Variants in OR9Q1 observed in about 807,000 individuals in gnomAD.
The protein encoded by OR9Q1 is olfactory receptor family 9 subfamily Q member 1.
For synonymous variants in OR9Q1, 153 were observed against 148.6 expected (o/e 1.03, Z -0.22); for missense variants, 374 against 378.8 (o/e 0.99, Z 0.11).
intron 2 of OR9Q1, among the ~76,000 whole-genome samples, chr11:58,151,009 CTG>C (rs1195108159): frequency 6.6e-6 from 1 of 152,122 alleles, no homozygotes; most frequent in Admixed American, 6.5e-5. Flanking sequence ...AGCTTTTCCT[CTG>C]TGTTTTGTTC....
At chr11:58,108,726 C>T (rs1338389180) in intron 2 of OR9Q1, 2 of 221,640 alleles carry the variant, frequency 9.0e-6, no homozygotes, top group East Asian at 2.3e-4. Context: ...AAGCTACATT[C>T]GTTGGAAATT....
intron 2 of OR9Q1, among the ~76,000 whole-genome samples, chr11:58,082,765 AATAAT>A (rs1853600891): frequency 1.5e-5 from 2 of 130,318 alleles, no homozygotes; most frequent in African/African-American, 2.7e-5. Context: ...TAATAATAAT[AATAAT>A]AAAAAGTTAG....
chr11:58,155,909 C>T (rs1590619755), intron 2 of OR9Q1, among the ~76,000 whole-genome samples: 1 of 128,074 alleles, frequency 7.8e-6, no homozygotes, highest in Non-Finnish European at 1.6e-5. Flanking sequence ...TGTTCTTTTT[C>T]TTTTCCTTCC....
At chr11:58,101,228 G>C (rs1853780638) in intron 2 of OR9Q1, among the ~76,000 whole-genome samples, 1 of 151,936 alleles carries the variant, frequency 6.6e-6, no homozygotes, top group African/African-American at 2.4e-5. Flanking sequence ...TTTCCATAGA[G>C]GTTGAACTAA....
chr11:58,090,108 T>A (rs1240718735), intron 2 of OR9Q1, among the ~76,000 whole-genome samples: 1 of 152,204 alleles, frequency 6.6e-6, no homozygotes, highest in East Asian at 1.9e-4. Context: ...ACAATTCAAC[T>A]TCCTCTCTTC....
In OR9Q1 at chr11:58,180,256, G is replaced by T. The variant is rs759737063; in HGVS notation, c.812G>T (p.Arg271Leu). ...TCAGATCAGTCTTCGGAGAAGAATC[G>T]GGTAGTGTCTGTGCTTTACACAGAG... ...GNSDQSSEKN[R>L]VVSVLYTEVI... is the part of the protein sequence containing the mutation. Residue 271 changes from arginine to leucine, a missense_variant, in exon 3 of 3, where the codon CGG (arginine) becomes CTG (leucine). Arg to Leu is a moderately radical substitution (Grantham distance 102, BLOSUM62 -2). Transcript: ENST00000335397. 1 of 1,613,900 alleles carries T rather than the reference G, an allele frequency of 6.2e-7. No homozygotes were observed. Among genetic ancestry groups the T allele is most frequent in the Non-Finnish European group, 8.5e-7 (1 of 1,179,962 alleles).
intron 2 of OR9Q1, among the ~76,000 whole-genome samples, chr11:58,101,280 C>T (rs1218755998): frequency 9.9e-5 from 15 of 151,860 alleles, no homozygotes; most frequent in Admixed American, 6.6e-4. Context: ...CCTTTTTTGC[C>T]ACATCCATGC....
chr11:58,110,437 G>C (rs1853888370), intron 2 of OR9Q1, among the ~76,000 whole-genome samples: 1 of 152,116 alleles, frequency 6.6e-6, no homozygotes, highest in Non-Finnish European at 1.5e-5. Flanking sequence ...GACCATGAAA[G>C]ACAGTGATTC....
chr11:58,157,337 G>A (rs775767254), intron 2 of OR9Q1, among the ~76,000 whole-genome samples: 26 of 152,038 alleles, frequency 1.7e-4, no homozygotes, highest in Non-Finnish European at 3.1e-4. Context: ...ATTATTGCTC[G>A]TAGCTTTATG....
chr11:58,125,278 A>G lies in OR9Q1; in HGVS notation c.-14-54153A>G, dbSNP rs188233459. 303 of 116,492 alleles carry G rather than the reference A, an allele frequency of 2.6e-3. 4 individuals are homozygous for G. Among genetic ancestry groups the G allele is most frequent in the African/African-American group, 9.4e-3 (284 of 30,058 alleles). The allele number at this position is 116,492 out of a possible 1,614,324, so 7.2% of individuals were successfully genotyped here. Reference sequence around the variant, plus strand: ...AAAAAGCTGATCCAGTCTTACTTGTATATTTCACATAAGAGCTGAAATCCC... The same window carrying G: ...AAAAAGCTGATCCAGTCTTACTTGTGTATTTCACATAAGAGCTGAAATCCC... On this transcript the variant is annotated intron_variant, in intron 2 of 2. Coordinates refer to ENST00000335397, the MANE Select transcript of OR9Q1 (RefSeq NM_001005212.4).
intron 2 of OR9Q1, among the ~76,000 whole-genome samples, chr11:58,138,630 A>G (rs781709022): frequency 6.6e-6 from 1 of 152,124 alleles, no homozygotes; most frequent in Non-Finnish European, 1.5e-5. Context: ...TCCTTTTACA[A>G]TCATACGTGT....
At chr11:58,149,553 C>T (rs1258582203) in intron 2 of OR9Q1, among the ~76,000 whole-genome samples, 5 of 152,180 alleles carry the variant, frequency 3.3e-5, no homozygotes, top group Non-Finnish European at 5.9e-5. Flanking sequence ...ACCATCACCA[C>T]TATCCTTCTC....
chr11:58,024,413 T>G (rs1204282880), intron 1 of OR9Q1, among the ~76,000 whole-genome samples: 1 of 152,142 alleles, frequency 6.6e-6, no homozygotes, highest in East Asian at 1.9e-4. Context: ...CCTTTCACTT[T>G]TTGGGACTAG....
rs528939055 is a variant in OR9Q1 at position 58,153,782 on chromosome 11, C to A, written c.-14-25649C>A. On this transcript the variant is annotated intron_variant, in intron 2 of 2. Coordinates refer to ENST00000335397, the MANE Select transcript of OR9Q1 (RefSeq NM_001005212.4). Reference sequence around the variant, plus strand: ...TTCTCTAACCTTGGCTCTCTGATTTCCTCAGCTGTATAAATGTAACAGAAT... The same window carrying A: ...TTCTCTAACCTTGGCTCTCTGATTTACTCAGCTGTATAAATGTAACAGAAT... Among the ~76,000 whole-genome samples the A allele has an allele frequency of 6.6e-5, 10 of 152,212 alleles. No homozygotes were observed. The South Asian group carries it at 2.1e-3, about 32-fold the overall frequency.
chr11:58,112,480 C>T (rs951988082), intron 2 of OR9Q1, among the ~76,000 whole-genome samples: 2 of 152,230 alleles, frequency 1.3e-5, no homozygotes, highest in Admixed American at 6.5e-5. Context: ...ACCACAGTAC[C>T]TTTTTTTCCT....
At chr11:58,098,782 C>T (rs1565075413) in intron 2 of OR9Q1, among the ~76,000 whole-genome samples, 4 of 151,994 alleles carry the variant, frequency 2.6e-5, no homozygotes, top group Non-Finnish European at 5.9e-5. Flanking sequence ...TTTTCTTTTT[C>T]TAGCTTCTTG....
At chr11:58,118,879 C>A (rs1241036101) in intron 2 of OR9Q1, 1 of 1,614,008 alleles carries the variant, frequency 6.2e-7, no homozygotes, top group Non-Finnish European at 8.5e-7. Flanking sequence ...TGTGTCACTG[C>A]AGGCAAGCTT....
chr11:58,160,087 T>C (rs1228123182), intron 2 of OR9Q1, among the ~76,000 whole-genome samples: 1 of 152,212 alleles, frequency 6.6e-6, no homozygotes, highest in East Asian at 1.9e-4. Context: ...CACCATTTTG[T>C]GAGGAAGCCT....
chr11:58,077,439 A>T (rs543026155), intron 2 of OR9Q1: 2 of 152,356 alleles, frequency 1.3e-5, no homozygotes, highest in East Asian at 3.9e-4. Flanking sequence ...AAGTTCTAGC[A>T]TAGGAATAAA....
Sources: gnomAD v4.1 joint callset for allele counts (sites outside exome capture counted in the v4.1 genomes callset) on GRCh38, gnomAD v4.1.1 for gene constraint, MANE v1.5 for transcripts, NCBI Gene and HGNC (gene_info 2026-07-23, HGNC 2026-07-21) for gene names.